Variants in FAM131C observed in about 807,000 individuals in gnomAD.
FAM131C encodes the protein family with sequence similarity 131 member C, also known as protein FAM131C.
Under a neutral mutation model 29.8 loss-of-function variants are expected in FAM131C, and 14 were observed. The ratio of observed to expected loss-of-function variants is 0.47; its 90% CI spans 0.31 to 0.73. The LOEUF is 0.73. Ranked by LOEUF, FAM131C falls within the 30% of genes least tolerant of loss-of-function variation. FAM131C has a pLI of 0.05. For missense variants in FAM131C, 252 were observed against 383.8 expected, an observed-to-expected ratio of 0.66 and a Z score of 2.87; for synonymous variants, 86 against 157.8, an observed-to-expected ratio of 0.54 and a Z score of 3.41.
chr1:16,070,237 G>C (rs1056047574), intron 1 of FAM131C, among the ~76,000 whole-genome samples: 7 of 152,190 alleles, frequency 4.6e-5, no homozygotes, highest in Non-Finnish European at 8.8e-5. Flanking sequence ...GAACTAACTA[G>C]GTCAGGAGAG....
In FAM131C at chr1:16,062,487, A is replaced by T. The variant is rs375296744; in HGVS notation, c.174+12T>A. Reference sequence around the variant, plus strand: ...GGGGCCGGCTAGAATGGGGACACACAAGTGCACTGACCTGCCAAGGATCCC... The same window carrying T: ...GGGGCCGGCTAGAATGGGGACACACTAGTGCACTGACCTGCCAAGGATCCC... On this transcript the variant is annotated intron_variant, in intron 3 of 6. Coordinates refer to ENST00000375662, the MANE Select transcript of FAM131C (RefSeq NM_182623.3). 3.9e-4 allele frequency: 610 copies of T among 1,581,398 alleles called. 3 individuals carry two copies. The Middle Eastern group carries it at 4.6e-3, about 12-fold the overall frequency.
chr1:16,073,473 CG>C lies in FAM131C; in HGVS notation c.-32del. The C allele has an allele frequency of 8.4e-7, 1 of 1,192,830 alleles. No individual in the cohort carries two copies. 73.9% of individuals were successfully genotyped at this position (1,192,830 alleles called of 1,614,324 possible). A position where few individuals can be genotyped will look rare whatever the true frequency, so the allele number is the denominator to read the frequency against. On this transcript the variant is annotated 5_prime_UTR_variant, in exon 1 of 7. Transcript: ENST00000375662. ...GGCCGCGGGGCCGGGCCGCTGCGCC[CG>C]GGGTGCGTGGGGCCGCGGGGCGTTC...
chr1:16,060,442 G>C (rs1413290844), intron 4 of FAM131C, among the ~76,000 whole-genome samples: 1 of 137,506 alleles, frequency 7.3e-6, no homozygotes, highest in Non-Finnish European at 1.6e-5. Context: ...AGCCACCCAA[G>C]GACCACTCAT....
chr1:16,072,541 G>A (rs569056661), intron 1 of FAM131C, among the ~76,000 whole-genome samples: 23 of 152,288 alleles, frequency 1.5e-4, no homozygotes, highest in Non-Finnish European at 2.4e-4. Context: ...ACCAAGGTGG[G>A]AGAAGGGCTC....
intron 1 of FAM131C, among the ~76,000 whole-genome samples, chr1:16,065,428 C>A (rs996819082): frequency 6.6e-6 from 1 of 152,248 alleles, no homozygotes; most frequent in Non-Finnish European, 1.5e-5. Flanking sequence ...TGCCCGCCAG[C>A]GGAGGGACTT....
chr1:16,067,893 C>A (rs10803418), intron 1 of FAM131C, among the ~76,000 whole-genome samples: 38,212 of 152,088 alleles, frequency 0.25, 5,805 homozygotes, highest in African/African-American at 0.41. Flanking sequence ...ACCCATTAGT[C>A]ACCATGGTTG....
chr1:16,068,044 G>A (rs576088988), intron 1 of FAM131C, among the ~76,000 whole-genome samples: 6 of 152,284 alleles, frequency 3.9e-5, no homozygotes, highest in South Asian at 2.1e-4. Flanking sequence ...GGGTCAAAGC[G>A]TCCCCTCATG....
chr1:16,062,838 C>A (rs563196100), intron 2 of FAM131C, among the ~76,000 whole-genome samples: 3 of 152,234 alleles, frequency 2.0e-5, no homozygotes, highest in Admixed American at 6.5e-5. Context: ...GCTCCGAACA[C>A]GTCTCTTCCT....
intron 4 of FAM131C, 43 bp downstream of exon 4, chr1:16,062,056 C>T: frequency 6.3e-7 from 1 of 1,594,624 alleles, no homozygotes; most frequent in Non-Finnish European, 8.6e-7. Context: ...TAGGGTGGGA[C>T]CGTGCATTCT....
chr1:16,067,027 C>T (rs1027037033), intron 1 of FAM131C, among the ~76,000 whole-genome samples: 13 of 152,272 alleles, frequency 8.5e-5, no homozygotes, highest in East Asian at 1.9e-4. Flanking sequence ...GGAGGGGAGC[C>T]GGGCACAGAG....
chr1:16,071,636 G>T (rs1037577499), intron 1 of FAM131C, among the ~76,000 whole-genome samples: 1 of 152,204 alleles, frequency 6.6e-6, no homozygotes, highest in Non-Finnish European at 1.5e-5. Context: ...AGGGGGACAA[G>T]GCTGGACTAT....
Position 16,059,916 on chromosome 1 carries a change from T to C in FAM131C, c.404A>G (p.His135Arg), listed in dbSNP as rs377599440. 9.8e-6 allele frequency: 14 copies of C among 1,428,072 alleles called. No individual in the cohort carries two copies. Among genetic ancestry groups the C allele is most frequent in the Non-Finnish European group, 1.3e-5 (14 of 1,078,802 alleles). 88.5% of individuals were successfully genotyped at this position (1,428,072 alleles called of 1,614,324 possible). Reference protein sequence around the residue: ...GWELSPAEDEHYCCLPDELRE... With the variant: ...GWELSPAEDERYCCLPDELRE... ...CAGCTCATCCGGGAGGCAGCAGTAA[T>C]GCTCGTCCTCAGCTGGGGACAGCTC... The change falls in exon 5 of 7, where the codon CAT (histidine) becomes CGT (arginine). Residue 135 changes from histidine to arginine, a missense_variant. His to Arg is a conservative substitution (Grantham distance 29). Around this residue, in one of 6 missense-constraint regions of FAM131C, gnomAD observed 38 missense variants for 32.7 expected, o/e 1.16. Transcript: ENST00000375662.
At chr1:16,073,397 C>A in intron 1 of FAM131C, 24 bp downstream of exon 1, 2 of 1,198,806 alleles carry the variant, frequency 1.7e-6, no homozygotes, top group South Asian at 8.4e-5. Flanking sequence ...CCCGATCCCC[C>A]CGCCCCCGGC....
At chr1:16,069,424 A>G (rs1570358977) in intron 1 of FAM131C, among the ~76,000 whole-genome samples, 1 of 152,284 alleles carries the variant, frequency 6.6e-6, no homozygotes, top group African/African-American at 2.4e-5. Context: ...GCCTTCACCC[A>G]GACATGATCA....
At chr1:16,062,391 CCCCG>C in intron 3 of FAM131C, 104 bp downstream of exon 3, 1 of 1,283,064 alleles carries the variant, frequency 7.8e-7, no homozygotes, top group Admixed American at 2.7e-5. Flanking sequence ...CCCCCCCCCC[CCCCG>C]CCCCAGGGCC....
chr1:16,071,230 C>T (rs2023745598), intron 1 of FAM131C, among the ~76,000 whole-genome samples: 1 of 146,952 alleles, frequency 6.8e-6, no homozygotes, highest in South Asian at 2.1e-4. Context: ...TAGACAGGTG[C>T]AGGCACCAGG....
chr1:16,070,933 T>A (rs1440707663), intron 1 of FAM131C, among the ~76,000 whole-genome samples: 2 of 152,246 alleles, frequency 1.3e-5, no homozygotes, highest in Admixed American at 1.3e-4. Flanking sequence ...CTGCCGATGC[T>A]GGGATGGGGT....
At position 16,063,655 on chromosome 1, in the gene FAM131C, G is replaced by A. The variant is rs1378870439; in HGVS notation, c.23-19C>T. On this transcript the variant is annotated intron_variant, in intron 1 of 6. Transcript: ENST00000375662. ...AACAGGTCTGGAAATAAGAGCAAGA[G>A]GAGGAACTCAGCAAAGCCCAGCCCT... 6 of 1,550,646 alleles carry A rather than the reference G, an allele frequency of 3.9e-6. No individual in the cohort carries two copies. Among genetic ancestry groups the A allele is most frequent in the Non-Finnish European group, 5.3e-6 (6 of 1,131,842 alleles).
rs557962520 is a variant in FAM131C, at chr1:16,067,157, C to T, written c.23-3521G>A. ...CCCCCTCCCCAGCCCGCCTGGCTCCCCACCTCAGTTGGGGTTCAGGTGCCT... is the reference window on the plus strand; with the variant it reads ...CCCCCTCCCCAGCCCGCCTGGCTCCTCACCTCAGTTGGGGTTCAGGTGCCT... On this transcript the variant is annotated intron_variant, in intron 1 of 6. Transcript: ENST00000375662. Among the ~76,000 whole-genome samples, 10 of 152,328 alleles carry T rather than the reference C, an allele frequency of 6.6e-5. No homozygotes were observed. The East Asian group carries it at 1.9e-3, about 29-fold the overall frequency.
Sources: allele counts gnomAD v4.1 joint callset (sites outside exome capture counted in the v4.1 genomes callset), GRCh38; gene constraint gnomAD v4.1.1; regional missense constraint gnomAD v4.1.1; transcripts MANE v1.5; gene names NCBI Gene and HGNC (gene_info 2026-07-23, HGNC 2026-07-21).